The following YES1 variants were observed in gnomAD, a reference collection of about 807,000 sequenced individuals.
YES1 encodes the protein YES proto-oncogene 1, Src family tyrosine kinase.
A neutral mutation model predicts 70.4 loss-of-function variants in YES1; 39 were observed. The ratio of observed to expected loss-of-function variants is 0.55; its 90% CI spans 0.43 to 0.72. The LOEUF is 0.72. Ranked by LOEUF, YES1 falls within the 30% of genes least tolerant of loss-of-function variation. The pLI, the probability that YES1 is intolerant of heterozygous loss-of-function variation, is 0.00. For synonymous variants in YES1, 198 were observed against 218.6 expected, an observed-to-expected ratio of 0.91 and a Z score of 0.83; for missense variants, 495 against 644.8, an observed-to-expected ratio of 0.77 and a Z score of 2.52.
At chr18:732,148 A>T (rs772706423) in intron 11 of YES1, among the ~76,000 whole-genome samples, 2 of 149,930 alleles carry the variant, frequency 1.3e-5, no homozygotes, top group African/African-American at 2.4e-5. Context: ...TATTTAAAAA[A>T]ATATACCATG....
intron 1 of YES1, among the ~76,000 whole-genome samples, chr18:767,764 G>A (rs755004473): frequency 6.6e-6 from 1 of 152,042 alleles, no homozygotes; most frequent in African/African-American, 2.4e-5. Context: ...ACAGGGGCAC[G>A]ATCTCGGTTC....
chr18:779,563 G>A (rs1324307689), intron 1 of YES1, among the ~76,000 whole-genome samples: 1 of 152,266 alleles, frequency 6.6e-6, no homozygotes. Context: ...CCAGGTAACA[G>A]TTAATTACTT....
rs540188109 is a variant in YES1, at chr18:722,891, G to C, written c.*1533C>G. 2.6e-5 allele frequency: 4 copies of C among 152,300 alleles called. No individual in the cohort carries two copies. In the East Asian group the frequency reaches 7.7e-4, roughly 29 times the overall value. The allele number at this position is 152,300 out of a possible 1,614,324, so 9.4% of individuals were successfully genotyped here. ...GCAGATCACAAGGTCAGGAGATCGA[G>C]ACTATCCTGGCTAACACGGTGAAAC... is the stretch of plus-strand genomic sequence containing the variant. On this transcript the variant is annotated 3_prime_UTR_variant, in exon 12 of 12. Coordinates refer to ENST00000314574, the MANE Select transcript of YES1 (RefSeq NM_005433.4).
At chr18:808,456 C>A (rs189923147) in intron 1 of YES1, among the ~76,000 whole-genome samples, 4 of 152,260 alleles carry the variant, frequency 2.6e-5, no homozygotes, top group African/African-American at 4.8e-5. Context: ...ACCAATAAGA[C>A]AAGACACTTT....
intron 1 of YES1, among the ~76,000 whole-genome samples, chr18:801,281 A>T (rs1568220811): frequency 6.6e-6 from 1 of 152,210 alleles, no homozygotes; most frequent in Non-Finnish European, 1.5e-5. Context: ...TGCAGTTAGC[A>T]GTGATTGTGC....
chr18:787,709 CAA>C (rs34461070), intron 1 of YES1, among the ~76,000 whole-genome samples: 17 of 139,552 alleles, frequency 1.2e-4, no homozygotes, highest in African/African-American at 3.7e-4. Context: ...GACTCTGTCT[CAA>C]AAAAAAAAAA....
At chr18:802,725 G>A (rs989412646) in intron 1 of YES1, among the ~76,000 whole-genome samples, 4 of 152,054 alleles carry the variant, frequency 2.6e-5, no homozygotes, top group African/African-American at 9.7e-5. Flanking sequence ...AGTTCTGCCG[G>A]TTGTGTGACC....
At chr18:731,565 A>G (rs1249868292) in intron 11 of YES1, among the ~76,000 whole-genome samples, 1 of 152,244 alleles carries the variant, frequency 6.6e-6, no homozygotes, top group East Asian at 1.9e-4. Context: ...CACTCTCAAC[A>G]TTAGGATACT....
Position 721,776 on chromosome 18 carries a change from A to G in YES1, c.*2648T>C, listed in dbSNP as rs2079955111. ...CATTCAATGAGAACTTTTTATTTCA[A>G]TTATCCACAAAACAATATTACAATA... On this transcript the variant is annotated 3_prime_UTR_variant, in exon 12 of 12. Transcript: ENST00000314574. 1 of 152,470 alleles carries G rather than the reference A, an allele frequency of 6.6e-6. No homozygotes were observed. Among genetic ancestry groups the G allele is most frequent in the African/African-American group, 2.4e-5 (1 of 41,456 alleles). 9.4% of individuals were successfully genotyped at this position (152,470 alleles called of 1,614,324 possible).
intron 1 of YES1, among the ~76,000 whole-genome samples, chr18:809,002 A>G (rs900347562): frequency 6.6e-6 from 1 of 152,240 alleles, no homozygotes; most frequent in Admixed American, 6.5e-5. Context: ...CCGAAAATAG[A>G]TAAAAGTCAA....
chr18:745,039 T>G (rs1238663774), intron 6 of YES1, among the ~76,000 whole-genome samples: 1 of 152,160 alleles, frequency 6.6e-6, no homozygotes, highest in African/African-American at 2.4e-5. Context: ...ATGTCAAGAT[T>G]GCTGGCTGAC....
At chr18:758,223 T>C (rs1045005780) in intron 1 of YES1, among the ~76,000 whole-genome samples, 4 of 152,206 alleles carry the variant, frequency 2.6e-5, no homozygotes, top group African/African-American at 9.6e-5. Flanking sequence ...TATTTTTTCA[T>C]ACTGAGCCTT....
In YES1 at chr18:759,179, A is replaced by AAC. The variant is rs1216469845; in HGVS notation, c.-8-2346_-8-2345dup. Among the ~76,000 whole-genome samples, 18 of 152,358 alleles carry AAC rather than the reference A, an allele frequency of 1.2e-4. 1 individual carries two copies. The highest frequency in any genetic ancestry group is 1.0e-3 in the South Asian group (5 of 4,828). ...GAGTTAACTATAAGCATCAAAATAT[A>AAC]ACCGGGGCTAGGCGCGGTGGCTCAC... On this transcript the variant is annotated intron_variant, in intron 1 of 11. Coordinates refer to ENST00000314574, the MANE Select transcript of YES1 (RefSeq NM_005433.4).
chr18:759,710 T>C (rs1904480719), intron 1 of YES1, among the ~76,000 whole-genome samples: 4 of 152,102 alleles, frequency 2.6e-5, no homozygotes, highest in Non-Finnish European at 1.5e-5. Context: ...TTTATTTCTT[T>C]TTTTCTTTTA....
chr18:812,700 A>G (rs1907479690), upstream of YES1, among the ~76,000 whole-genome samples: 3 of 152,086 alleles, frequency 2.0e-5, no homozygotes, highest in South Asian at 6.2e-4. Flanking sequence ...GATTGAATGG[A>G]GCGCTCCGAT....
At chr18:768,845 G>T (rs1905025970) in intron 1 of YES1, among the ~76,000 whole-genome samples, 4 of 152,068 alleles carry the variant, frequency 2.6e-5, no homozygotes. Context: ...TCGGATTACA[G>T]GCATCTGCCA....
At chr18:732,796 C>T (rs370458596) in intron 11 of YES1, 38 bp downstream of exon 11, 30 of 1,613,622 alleles carry the variant, frequency 1.9e-5, no homozygotes, top group Non-Finnish European at 2.5e-5. Flanking sequence ...GATAAAGCCA[C>T]TCATGAGATA....
chr18:778,854 CTT>C (rs1482067528), intron 1 of YES1, among the ~76,000 whole-genome samples: 1 of 152,182 alleles, frequency 6.6e-6, no homozygotes, highest in Non-Finnish European at 1.5e-5. Flanking sequence ...AGGGCATACA[CTT>C]TGTCTTGTAA....
intron 11 of YES1, among the ~76,000 whole-genome samples, chr18:730,220 C>T (rs928871405): frequency 6.6e-6 from 1 of 152,118 alleles, no homozygotes; most frequent in African/African-American, 2.4e-5. Flanking sequence ...AAGAACTCCT[C>T]AGCACTCTGT....
Sources: allele counts gnomAD v4.1 joint callset (sites outside exome capture counted in the v4.1 genomes callset), GRCh38; gene constraint gnomAD v4.1.1; transcripts MANE v1.5; gene names NCBI Gene and HGNC (gene_info 2026-07-23, HGNC 2026-07-21).